ACOXL: variants seen among roughly 807,000 people sequenced by gnomAD.
ACOXL encodes the protein acyl-CoA oxidase like, also known as acyl-coenzyme A oxidase-like protein.
In ACOXL, 70 loss-of-function variants were observed where a neutral mutation model predicts 71.9. That is an observed-to-expected ratio of 0.97 (90% CI 0.80 to 1.19). The LOEUF (loss-of-function observed/expected upper bound fraction) is 1.19, where lower values mean the gene tolerates loss of function less well. Among genes scored for constraint, ACOXL ranks in the 50% most tolerant of loss-of-function variants. ACOXL has a pLI of 0.00. For synonymous variants in ACOXL, 253 were observed against 281.6 expected (o/e 0.90, Z 1.02); for missense variants, 703 against 736.3 (o/e 0.95, Z 0.52).
chr2:110,968,426 A>G (rs1240061695), intron 12 of ACOXL: 2 of 1,159,874 alleles, frequency 1.7e-6, no homozygotes, highest in African/African-American at 3.0e-5. Context: ...CACCAGAAGC[A>G]CATCACGGGC....
intron 12 of ACOXL, among the ~76,000 whole-genome samples, chr2:110,946,004 G>A (rs770512035): frequency 2.6e-5 from 4 of 152,070 alleles, no homozygotes; most frequent in Non-Finnish European, 4.4e-5. Context: ...CCAATTGTTT[G>A]TGTCATCTCT....
chr2:110,982,260 A>G (rs1349183526), intron 12 of ACOXL, among the ~76,000 whole-genome samples: 1 of 152,032 alleles, frequency 6.6e-6, no homozygotes, highest in African/African-American at 2.4e-5. Context: ...GGTTCAAGTC[A>G]AATCCGTGTT....
intron 9 of ACOXL, among the ~76,000 whole-genome samples, chr2:110,824,763 T>C (rs368191877): frequency 6.6e-6 from 1 of 152,236 alleles, no homozygotes; most frequent in Non-Finnish European, 1.5e-5. Context: ...GGCAATAATA[T>C]GTGCTTTAAA....
intron 17 of ACOXL, among the ~76,000 whole-genome samples, chr2:111,114,851 C>G (rs2150090872): frequency 6.6e-6 from 1 of 151,830 alleles, no homozygotes; most frequent in Non-Finnish European, 1.5e-5. Context: ...GGAAGCCAAA[C>G]TGATGTTACA....
intron 10 of ACOXL, among the ~76,000 whole-genome samples, chr2:110,885,036 A>G (rs1466089135): frequency 6.6e-6 from 1 of 152,186 alleles, no homozygotes; most frequent in African/African-American, 2.4e-5. Context: ...TGGTTCAAAA[A>G]TAATTATGTG....
At chr2:111,103,132 G>A (rs1356705689) in intron 17 of ACOXL, among the ~76,000 whole-genome samples, 1 of 151,892 alleles carries the variant, frequency 6.6e-6, no homozygotes, top group Non-Finnish European at 1.5e-5. Context: ...CTCTACTGAA[G>A]AAAACATGAA....
At chr2:111,097,470 A>T (rs1016910043) in intron 17 of ACOXL, among the ~76,000 whole-genome samples, 6 of 152,226 alleles carry the variant, frequency 3.9e-5, no homozygotes, top group Non-Finnish European at 1.5e-5. Context: ...CAGAACAACA[A>T]CCACATCCAG....
rs1553414142 is a variant in ACOXL, at chr2:110,886,382, T to TTTC, written c.789-22405_789-22404insCTT. Reference sequence around the variant, plus strand: ...GACTTTACCCTATCCTTCTTTTTCTTTTTTTTTTTTTTTTTAATGGATTCT... The same window carrying TTTC: ...GACTTTACCCTATCCTTCTTTTTCTTTTCTTTTTTTTTTTTTTTAATGGATTCT... On this transcript the variant is annotated intron_variant, in intron 10 of 17. Coordinates refer to ENST00000439055, the MANE Select transcript of ACOXL (RefSeq NM_001142807.4). Among the ~76,000 whole-genome samples, 112 of 144,834 alleles carry TTTC rather than the reference T, an allele frequency of 7.7e-4. 2 individuals carry two copies. The highest frequency in any genetic ancestry group is 1.6e-3 in the African/African-American group (65 of 39,484).
At chr2:110,844,867 T>C (rs1210755057) in intron 10 of ACOXL, among the ~76,000 whole-genome samples, 2 of 152,032 alleles carry the variant, frequency 1.3e-5, no homozygotes, top group African/African-American at 4.8e-5. Flanking sequence ...TTCTGCTCCC[T>C]CTTACACCTA....
At chr2:110,759,198 A>T (rs973881407) in intron 1 of ACOXL, among the ~76,000 whole-genome samples, 2 of 152,062 alleles carry the variant, frequency 1.3e-5, no homozygotes, top group African/African-American at 2.4e-5. Context: ...GGTCTACTTG[A>T]TCCTGAGGTT....
At chr2:111,020,386 C>G (rs1439206120) in intron 14 of ACOXL, among the ~76,000 whole-genome samples, 1 of 152,114 alleles carries the variant, frequency 6.6e-6, no homozygotes, top group Non-Finnish European at 1.5e-5. Context: ...CAGGAGGATG[C>G]CTGAATCACT....
At chr2:110,916,985 G>C (rs777680524) in intron 11 of ACOXL, among the ~76,000 whole-genome samples, 2 of 152,146 alleles carry the variant, frequency 1.3e-5, no homozygotes, top group Non-Finnish European at 2.9e-5. Flanking sequence ...GGTACAAAGA[G>C]GCGCTGGTAC....
At position 110,946,972 on chromosome 2, in the gene ACOXL, C is replaced by A. The variant is rs745389596; in HGVS notation, c.1059+13330C>A. The stretch of plus-strand genomic sequence containing the variant: ...GGAGTTGGCAGAACTCTGCTCTTGG[C>A]GTGCAGCTGTGACATTCCCAGTGGC... On this transcript the variant is annotated intron_variant, in intron 12 of 17. Coordinates refer to ENST00000439055, the MANE Select transcript of ACOXL (RefSeq NM_001142807.4). Among the ~76,000 whole-genome samples the A allele has an allele frequency of 2.0e-5, 3 of 152,328 alleles. No individual in the cohort carries two copies. The South Asian group carries it at 6.2e-4, about 32-fold the overall frequency.
chr2:110,953,504 A>G (rs2061397465), intron 12 of ACOXL, among the ~76,000 whole-genome samples: 2 of 152,144 alleles, frequency 1.3e-5, no homozygotes, highest in African/African-American at 4.8e-5. Flanking sequence ...AAAGGAGACC[A>G]ATAGATCAAG....
In ACOXL at chr2:111,055,643, C is replaced by G. The variant is rs78548522; in HGVS notation, c.1440+6355C>G. Among the ~76,000 whole-genome samples the G allele has an allele frequency of 3.7e-3, 558 of 152,330 alleles. 10 individuals carry two copies. In the East Asian group the frequency reaches 0.046, roughly 13 times the overall value. ...CACCCTGTGAATGCATCACATGTAC[C>G]CACATCACCATTCAGTCATCTGGGG... On this transcript the variant is annotated intron_variant, in intron 16 of 17. Coordinates refer to ENST00000439055, the MANE Select transcript of ACOXL (RefSeq NM_001142807.4).
chr2:110,784,869 A>G, intron 3 of ACOXL, 54 bp downstream of exon 3: 3 of 1,502,938 alleles, frequency 2.0e-6, no homozygotes, highest in Non-Finnish European at 2.7e-6. Flanking sequence ...TTTGCATGCC[A>G]AGGAATGAAA....
chr2:111,116,628 C>A (rs757745306), intron 17 of ACOXL, among the ~76,000 whole-genome samples: 8 of 151,982 alleles, frequency 5.3e-5, no homozygotes, highest in Non-Finnish European at 1.0e-4. Context: ...TGTTGTTAAA[C>A]CTGTAAAAAT....
intron 10 of ACOXL, among the ~76,000 whole-genome samples, chr2:110,881,217 T>C (rs946472442): frequency 2.6e-5 from 4 of 151,846 alleles, no homozygotes; most frequent in Admixed American, 2.0e-4. Flanking sequence ...TATGTAGATA[T>C]ACAGGAGGTT....
chr2:110,845,846 G>A (rs1306710204), intron 10 of ACOXL, among the ~76,000 whole-genome samples: 3 of 152,084 alleles, frequency 2.0e-5, no homozygotes, highest in African/African-American at 7.2e-5. Context: ...TAGACACTTG[G>A]GTCGCTTCCA....
Sources: allele counts gnomAD v4.1 joint callset (sites outside exome capture counted in the v4.1 genomes callset), GRCh38; gene constraint gnomAD v4.1.1; transcripts MANE v1.5; gene names NCBI Gene and HGNC (gene_info 2026-07-23, HGNC 2026-07-21).